Variants in PHYHIPL observed in about 807,000 individuals in gnomAD.
PHYHIPL encodes the protein phytanoyl-CoA hydroxylase-interacting protein-like.
In PHYHIPL, 9 loss-of-function variants were observed where a neutral mutation model predicts 33.4. The ratio of observed to expected loss-of-function variants is 0.27; its 90% CI spans 0.16 to 0.47. PHYHIPL has a LOEUF of 0.47. Ranked by LOEUF, PHYHIPL falls within the 20% of genes least tolerant of loss-of-function variation. The probability of loss-of-function intolerance (pLI) is 0.99; values close to 1 mark genes in which losing one functional copy is unlikely to be tolerated. For synonymous variants in PHYHIPL, 153 were observed against 154.1 expected (o/e 0.99, Z 0.05); for missense variants, 365 against 460.7 (o/e 0.79, Z 1.90).
chr10:59,202,927 C>T (rs1329519183), intron 1 of PHYHIPL, among the ~76,000 whole-genome samples: 1 of 152,002 alleles, frequency 6.6e-6, no homozygotes, highest in Non-Finnish European at 1.5e-5. Flanking sequence ...ACTATGTAGA[C>T]ATAATAATTT....
chr10:59,188,217 T>C (rs1838672701), intron 1 of PHYHIPL, among the ~76,000 whole-genome samples: 1 of 152,238 alleles, frequency 6.6e-6, no homozygotes, highest in Non-Finnish European at 1.5e-5. Flanking sequence ...CTTCATTTTG[T>C]TATGTACCCG....
In PHYHIPL at chr10:59,234,285, G is replaced by A. The variant is rs771171656; in HGVS notation, c.107-19G>A. ...TCCATTAATTGGAAATTAACTTCCT[G>A]TGCATTGTTTTCTTGCAGGGAACAA... On this transcript the variant is annotated intron_variant, in intron 1 of 4. Transcript: ENST00000373880. 3 of 1,524,006 alleles carry A rather than the reference G, an allele frequency of 2.0e-6. No homozygotes were observed. The highest frequency in any genetic ancestry group is 2.6e-6 in the Non-Finnish European group (3 of 1,145,518). The allele number at this position is 1,524,006 out of a possible 1,614,324, so 94.4% of individuals were successfully genotyped here. A position where few individuals can be genotyped will look rare whatever the true frequency, so the allele number is the denominator to read the frequency against.
intron 1 of PHYHIPL, chr10:59,177,361 A>G (rs1027816139): frequency 1.2e-4 from 126 of 1,039,398 alleles, no homozygotes; most frequent in Non-Finnish European, 1.4e-4. Context: ...TTCCCCCAAC[A>G]CACACACACT....
intron 1 of PHYHIPL, among the ~76,000 whole-genome samples, chr10:59,208,358 A>G (rs1299016177): frequency 1.3e-5 from 2 of 152,212 alleles, no homozygotes; most frequent in Admixed American, 1.3e-4. Flanking sequence ...AAAACTAACA[A>G]ACAGAAAGGA....
chr10:59,245,471 T>C lies in PHYHIPL; in HGVS notation c.1011T>C (p.Pro337=). The change falls in exon 5 of 5, where the codon CCT becomes CCC. Residue 337 remains proline, a synonymous_variant. Transcript: ENST00000373880. ...TTTTAGAAGTCATTTACACTGACCCTGTGGATCTTTCTGTGGGCACCGTGG... is the reference window on the plus strand; with the variant it reads ...TTTTAGAAGTCATTTACACTGACCCCGTGGATCTTTCTGTGGGCACCGTGG... The part of the protein sequence containing the change: ...DVILEVIYTD[P]VDLSVGTVAE... 6.2e-7 allele frequency: 1 copy of C among 1,614,194 alleles called. No individual in the cohort carries two copies. Among genetic ancestry groups the C allele is most frequent in the Non-Finnish European group, 8.5e-7 (1 of 1,180,028 alleles).
chr10:59,206,203 G>T (rs909874677), intron 1 of PHYHIPL, among the ~76,000 whole-genome samples: 5 of 152,042 alleles, frequency 3.3e-5, no homozygotes, highest in Admixed American at 6.6e-5. Flanking sequence ...GCCTTTCATG[G>T]TTTCTCATGG....
chr10:59,177,058 C>A, intron 1 of PHYHIPL, 99 bp downstream of exon 1: 2 of 987,030 alleles, frequency 2.0e-6, no homozygotes, highest in Non-Finnish European at 3.1e-6. Flanking sequence ...GCGGCAGGGT[C>A]TTTTGTTGTC....
intron 1 of PHYHIPL, among the ~76,000 whole-genome samples, chr10:59,185,078 C>A (rs1838542005): frequency 1.3e-5 from 2 of 149,694 alleles, no homozygotes; most frequent in Non-Finnish European, 3.0e-5. Flanking sequence ...GCAAGCTCCG[C>A]CTCCCAGGTT....
At chr10:59,213,702 T>C (rs534851360) in intron 1 of PHYHIPL, among the ~76,000 whole-genome samples, 62 of 152,196 alleles carry the variant, frequency 4.1e-4, no homozygotes, top group African/African-American at 1.4e-3. Flanking sequence ...AGAAGAAAAA[T>C]AATGTTGTGT....
chr10:59,224,172 T>C (rs1428069107), intron 1 of PHYHIPL, among the ~76,000 whole-genome samples: 1 of 152,230 alleles, frequency 6.6e-6, no homozygotes, highest in Admixed American at 6.5e-5. Flanking sequence ...TTATGTTATA[T>C]GGATAATAAA....
At chr10:59,206,944 AG>A (rs2133230164) in intron 1 of PHYHIPL, 1 of 377,786 alleles carries the variant, frequency 2.6e-6, no homozygotes, top group South Asian at 6.9e-5. Context: ...CATTACAAAT[AG>A]GAAAAGATGG....
At chr10:59,186,353 G>A (rs566793183) in intron 1 of PHYHIPL, among the ~76,000 whole-genome samples, 2 of 152,186 alleles carry the variant, frequency 1.3e-5, no homozygotes, top group Non-Finnish European at 2.9e-5. Flanking sequence ...GTACCATGCT[G>A]TTTTGGTTAC....
Position 59,195,058 on chromosome 10 carries a change from GA to G in PHYHIPL, c.106+18102del, listed in dbSNP as rs1838874784. Among the ~76,000 whole-genome samples the G allele has an allele frequency of 2.0e-5, 3 of 152,090 alleles. No homozygotes were observed. The South Asian group carries it at 6.2e-4, about 32-fold the overall frequency. ...GAAAAGTGTGGAATATAAGAAAACAGAAAGGGGGAAAGGATTTGTTAAAAGT... is the reference window on the plus strand; with the variant it reads ...GAAAAGTGTGGAATATAAGAAAACAGAAGGGGGAAAGGATTTGTTAAAAGT... On this transcript the variant is annotated intron_variant, in intron 1 of 4. Transcript: ENST00000373880.
At chr10:59,184,964 A>G (rs559259712) in intron 1 of PHYHIPL, among the ~76,000 whole-genome samples, 8 of 149,634 alleles carry the variant, frequency 5.3e-5, no homozygotes, top group Admixed American at 4.7e-4. Flanking sequence ...CCATGTGCCT[A>G]CAAAGGACAT....
At chr10:59,177,424 C>G in intron 1 of PHYHIPL, 4 of 1,476,022 alleles carry the variant, frequency 2.7e-6, no homozygotes, top group Non-Finnish European at 3.6e-6. Flanking sequence ...ACCTCCCATC[C>G]TCAGACTCCC....
chr10:59,186,675 T>G (rs1838614950), intron 1 of PHYHIPL, among the ~76,000 whole-genome samples: 1 of 152,186 alleles, frequency 6.6e-6, no homozygotes, highest in South Asian at 2.1e-4. Flanking sequence ...AAGAGGTCCT[T>G]CACATCCCTT....
intron 1 of PHYHIPL, among the ~76,000 whole-genome samples, chr10:59,201,575 C>T (rs761226786): frequency 4.6e-5 from 7 of 152,080 alleles, no homozygotes; most frequent in South Asian, 2.1e-4. Flanking sequence ...CTGTTAGGTC[C>T]GCTTGGTGCA....
intron 1 of PHYHIPL, among the ~76,000 whole-genome samples, chr10:59,200,757 C>G (rs892805451): frequency 1.9e-4 from 29 of 152,020 alleles, no homozygotes; most frequent in African/African-American, 6.5e-4. Flanking sequence ...TCTATTTAGC[C>G]ATTCAACTTC....
rs530238762 is a variant in PHYHIPL, at chr10:59,176,707, C to T, written c.-147C>T. ...CCTTCGCGGCGGCTCTCCAGCCCCG[C>T]GCCTCAGCCTCGGCGCCGCATCACC... On this transcript the variant is annotated 5_prime_UTR_variant, in exon 1 of 5. Coordinates refer to ENST00000373880, the MANE Select transcript of PHYHIPL (RefSeq NM_032439.4). The T allele has an allele frequency of 6.6e-4, 453 of 689,740 alleles. 3 individuals carry two copies. In the African/African-American group the frequency reaches 7.5e-3, roughly 11 times the overall value. The allele number at this position is 689,740 out of a possible 1,614,324, so 42.7% of individuals were successfully genotyped here. A position where few individuals can be genotyped will look rare whatever the true frequency, so the allele number is the denominator to read the frequency against.
Sources: allele counts gnomAD v4.1 joint callset (sites outside exome capture counted in the v4.1 genomes callset), GRCh38; gene constraint gnomAD v4.1.1; transcripts MANE v1.5; gene names NCBI Gene and HGNC (gene_info 2026-07-23, HGNC 2026-07-21).